Variants in MIS18A observed in about 807,000 individuals in gnomAD.
MIS18A encodes protein Mis18-alpha.
In MIS18A, 14 loss-of-function variants were observed where a neutral mutation model predicts 25.0. The ratio of observed to expected loss-of-function variants is 0.56; its 90% CI spans 0.37 to 0.88. The LOEUF is 0.88. Ranked by LOEUF, MIS18A falls within the 40% of genes least tolerant of loss-of-function variation. The pLI is 0.00. For missense variants in MIS18A, 292 were observed against 290.8 expected (o/e 1.00, Z -0.03); for synonymous variants, 134 against 118.6 (o/e 1.13, Z -0.84).
the MIS18A span, among the ~76,000 whole-genome samples, chr21:32,184,839 T>C: frequency 6.6e-6 from 1 of 152,088 alleles, no homozygotes; most frequent in South Asian, 2.1e-4. Flanking sequence ...TCCTTGTCCC[T>C]CACAACCAGC....
the MIS18A span, among the ~76,000 whole-genome samples, chr21:32,225,093 T>C: frequency 1.2e-4 from 14 of 119,832 alleles, no homozygotes; most frequent in Non-Finnish European, 2.2e-4. Flanking sequence ...AAGCTGAAAC[T>C]GGATCCCTTC....
chr21:32,274,989 G>A (rs968698634), intron 1 of MIS18A, 93 bp from the exon 2 acceptor site: 21 of 1,063,238 alleles, frequency 2.0e-5, no homozygotes, highest in African/African-American at 3.2e-5. Flanking sequence ...TTTAGAACTC[G>A]GAGGACAAAA....
chr21:32,218,480 T>G, the MIS18A span, among the ~76,000 whole-genome samples: 4 of 152,132 alleles, frequency 2.6e-5, no homozygotes, highest in Non-Finnish European at 5.9e-5. Flanking sequence ...TGTTAACAAG[T>G]AAACATAATA....
At chr21:32,255,774 C>G in the MIS18A span, among the ~76,000 whole-genome samples, 3 of 151,614 alleles carry the variant, frequency 2.0e-5, no homozygotes, top group African/African-American at 7.3e-5. Context: ...GCCTGTAGTG[C>G]TAGCTACTCG....
chr21:32,194,947 C>G, the MIS18A span, among the ~76,000 whole-genome samples: 2 of 152,142 alleles, frequency 1.3e-5, no homozygotes, highest in African/African-American at 4.8e-5. Flanking sequence ...CTACAATGTA[C>G]CGTGTTCGGG....
chr21:32,199,142 G>A, the MIS18A span, among the ~76,000 whole-genome samples: 1 of 152,120 alleles, frequency 6.6e-6, no homozygotes, highest in African/African-American at 2.4e-5. Flanking sequence ...TTCCCAACGG[G>A]AACATATTTT....
chr21:32,200,273 T>C, the MIS18A span, among the ~76,000 whole-genome samples: 2 of 152,152 alleles, frequency 1.3e-5, no homozygotes. Flanking sequence ...GGGGAGTAGT[T>C]TGCTGACCCC....
chr21:32,195,120 C>T, the MIS18A span, among the ~76,000 whole-genome samples: 2 of 152,132 alleles, frequency 1.3e-5, no homozygotes, highest in Admixed American at 6.5e-5. Flanking sequence ...ACCAATTCTA[C>T]GAAAAGACAG....
the MIS18A span, among the ~76,000 whole-genome samples, chr21:32,241,013 C>T: frequency 2.6e-5 from 4 of 152,228 alleles, no homozygotes; most frequent in Admixed American, 1.3e-4. Flanking sequence ...CAGCTGAAAC[C>T]GAAGCCTGTC....
At chr21:32,243,261 C>T in the MIS18A span, among the ~76,000 whole-genome samples, 1 of 152,104 alleles carries the variant, frequency 6.6e-6, no homozygotes, top group Non-Finnish European at 1.5e-5. Flanking sequence ...AAATCAAAAA[C>T]TTGCTCAGTG....
chr21:32,191,927 G>A, the MIS18A span, among the ~76,000 whole-genome samples: 1 of 151,774 alleles, frequency 6.6e-6, no homozygotes, highest in Non-Finnish European at 1.5e-5. Context: ...AAGAAGGAAA[G>A]AAAGAAGAAA....
At chr21:32,191,674 C>T in the MIS18A span, among the ~76,000 whole-genome samples, 3 of 152,116 alleles carry the variant, frequency 2.0e-5, no homozygotes, top group Non-Finnish European at 4.4e-5. Flanking sequence ...GAGGTCAAGG[C>T]GGGTGGGTCA....
chr21:32,263,131 A>C, the MIS18A span, among the ~76,000 whole-genome samples: 1 of 152,254 alleles, frequency 6.6e-6, no homozygotes, highest in African/African-American at 2.4e-5. Context: ...ATTGCTAACA[A>C]ATTGTCTCTG....
chr21:32,261,537 T>C, the MIS18A span: 4 of 152,352 alleles, frequency 2.6e-5, no homozygotes, highest in Non-Finnish European at 4.4e-5. Flanking sequence ...AGATGCTCGA[T>C]GCAGCAACAT....
chr21:32,264,536 G>A (rs562054701), downstream of MIS18A, among the ~76,000 whole-genome samples: 1 of 152,164 alleles, frequency 6.6e-6, no homozygotes, highest in South Asian at 2.1e-4. Context: ...CTTGACGCAG[G>A]GAAGACAGGT....
the MIS18A span, among the ~76,000 whole-genome samples, chr21:32,214,530 T>C: frequency 6.6e-6 from 1 of 152,222 alleles, no homozygotes; most frequent in East Asian, 1.9e-4. Flanking sequence ...AAAAGCTTTT[T>C]GTCTTCTTAA....
chr21:32,203,811 G>A, the MIS18A span, among the ~76,000 whole-genome samples: 105 of 151,756 alleles, frequency 6.9e-4, no homozygotes, highest in African/African-American at 2.4e-3. Flanking sequence ...TAGAGACAAG[G>A]TTTCACTATG....
At chr21:32,204,024 A>G in the MIS18A span, among the ~76,000 whole-genome samples, 2 of 152,184 alleles carry the variant, frequency 1.3e-5, no homozygotes, top group Admixed American at 1.3e-4. Context: ...AGAATGTCTC[A>G]GGAAGGAAGT....
At chr21:32,219,870 C>A in the MIS18A span, among the ~76,000 whole-genome samples, 1 of 152,202 alleles carries the variant, frequency 6.6e-6, no homozygotes, top group Non-Finnish European at 1.5e-5. Context: ...GAAGTTCGAA[C>A]TGGGCAGAGC....
Sources: gnomAD v4.1 joint callset for allele counts (sites outside exome capture counted in the v4.1 genomes callset) on GRCh38, gnomAD v4.1.1 for gene constraint, MANE v1.5 for transcripts, NCBI Gene and HGNC (gene_info 2026-07-23, HGNC 2026-07-21) for gene names.